The following PCDH15 variants were observed in gnomAD, a reference collection of about 807,000 sequenced individuals.
The protein encoded by PCDH15 is protocadherin related 15.
A neutral mutation model predicts 178.5 loss-of-function variants in PCDH15; 129 were observed. That is an observed-to-expected ratio of 0.72 (90% CI 0.63 to 0.84). The LOEUF is 0.84. Ranked by LOEUF, PCDH15 falls within the 40% of genes least tolerant of loss-of-function variation. The pLI, the probability that PCDH15 is intolerant of heterozygous loss-of-function variation, is 0.00. For missense variants in PCDH15, 2,230 were observed against 2,099.9 expected, an observed-to-expected ratio of 1.06 and a Z score of -1.21; for synonymous variants, 800 against 732.0, an observed-to-expected ratio of 1.09 and a Z score of -1.50.
chr10:54,102,657 C>T lies in PCDH15; in HGVS notation c.1918-12594G>A, dbSNP rs2094833776. Among the ~76,000 whole-genome samples the T allele has an allele frequency of 2.0e-5, 3 of 152,178 alleles. No homozygotes were observed. In the South Asian group the frequency reaches 6.2e-4, roughly 31 times the overall value. On this transcript the variant is annotated intron_variant, in intron 15 of 37. Transcript: ENST00000644397. ...TTACTATTTTTCTAGGTAGAAGAAG[C>T]TCTAATGGCTTCCATTTGGCCTTTC...
intron 7 of PCDH15, among the ~76,000 whole-genome samples, chr10:54,326,183 G>A (rs137949751): frequency 6.6e-6 from 1 of 152,010 alleles, no homozygotes; most frequent in African/African-American, 2.4e-5. Context: ...ACCCACAATT[G>A]GCCCTCAAGC....
intron 2 of PCDH15, among the ~76,000 whole-genome samples, chr10:55,471,952 C>T (rs1027760982): frequency 2.4e-4 from 36 of 152,166 alleles, no homozygotes; most frequent in African/African-American, 7.2e-4. Context: ...AGGTGACTCA[C>T]GGCCAATATG....
At chr10:54,593,926 C>A (rs1273458239) in intron 2 of PCDH15, among the ~76,000 whole-genome samples, 2 of 151,488 alleles carry the variant, frequency 1.3e-5, no homozygotes, top group East Asian at 3.9e-4. Flanking sequence ...ACAGAGGGAC[C>A]ACGACATCAG....
At chr10:54,647,959 T>C (rs767248960) in intron 2 of PCDH15, among the ~76,000 whole-genome samples, 6 of 152,096 alleles carry the variant, frequency 3.9e-5, no homozygotes, top group Admixed American at 2.0e-4. Flanking sequence ...TGGTATCATA[T>C]CATCAAACTG....
intron 8 of PCDH15, among the ~76,000 whole-genome samples, chr10:54,284,702 A>C (rs551994304): frequency 4.6e-5 from 7 of 152,214 alleles, no homozygotes; most frequent in Non-Finnish European, 8.8e-5. Flanking sequence ...AATTGACCAC[A>C]TGAGAAGTTG....
intron 3 of PCDH15, among the ~76,000 whole-genome samples, chr10:54,460,206 G>T (rs2077084912): frequency 6.6e-6 from 1 of 151,952 alleles, no homozygotes; most frequent in Non-Finnish European, 1.5e-5. Flanking sequence ...TTCTTAACTA[G>T]ATTCATTTAT....
intron 3 of PCDH15, among the ~76,000 whole-genome samples, chr10:54,513,241 G>A (rs1589806486): frequency 6.9e-6 from 1 of 145,880 alleles, no homozygotes; most frequent in Non-Finnish European, 1.5e-5. Flanking sequence ...ATTTATTTTT[G>A]TTTATTTATT....
At chr10:54,200,269 C>CT (rs11377394) in intron 10 of PCDH15, among the ~76,000 whole-genome samples, 81,652 of 106,000 alleles carry the variant, frequency 0.77, 32,327 homozygotes, top group East Asian at 0.87. Flanking sequence ...ACAGAGCCCA[C>CT]TTTTTTTTTT....
intron 1 of PCDH15, among the ~76,000 whole-genome samples, chr10:55,187,489 C>T (rs1839830260): frequency 6.6e-6 from 1 of 151,734 alleles, no homozygotes; most frequent in Admixed American, 6.6e-5. Flanking sequence ...GTGTGAAAGC[C>T]ATGTTGAAAA....
At chr10:55,469,405 T>G (rs1839909416) in intron 2 of PCDH15, among the ~76,000 whole-genome samples, 1 of 152,174 alleles carries the variant, frequency 6.6e-6, no homozygotes, top group Non-Finnish European at 1.5e-5. Flanking sequence ...TATGCATATA[T>G]CTGATCTGAG....
chr10:55,460,573 T>G (rs1465536089), intron 2 of PCDH15, among the ~76,000 whole-genome samples: 1 of 152,120 alleles, frequency 6.6e-6, no homozygotes, highest in Non-Finnish European at 1.5e-5. Flanking sequence ...TTGGGCCTTT[T>G]TAAAACATAT....
At chr10:54,607,231 A>G (rs1472963203) in intron 2 of PCDH15, among the ~76,000 whole-genome samples, 1 of 152,114 alleles carries the variant, frequency 6.6e-6, no homozygotes, top group African/African-American at 2.4e-5. Flanking sequence ...CAATAATTAA[A>G]TATATCTGAA....
intron 3 of PCDH15, among the ~76,000 whole-genome samples, chr10:54,505,501 T>C (rs2081090652): frequency 6.6e-6 from 1 of 152,116 alleles, no homozygotes; most frequent in African/African-American, 2.4e-5. Flanking sequence ...CAAATAACTT[T>C]CAACAGTTTT....
chr10:55,479,092 A>T (rs1409633705), intron 2 of PCDH15, among the ~76,000 whole-genome samples: 3 of 151,418 alleles, frequency 2.0e-5, no homozygotes, highest in Admixed American at 1.3e-4. Flanking sequence ...ATTATTCTAA[A>T]ACTATTCAAA....
At chr10:55,128,573 G>T (rs920798932) in intron 2 of PCDH15, among the ~76,000 whole-genome samples, 1 of 151,828 alleles carries the variant, frequency 6.6e-6, no homozygotes, top group Admixed American at 6.6e-5. Flanking sequence ...TCTATCAATT[G>T]TTACCGCACC....
intron 2 of PCDH15, among the ~76,000 whole-genome samples, chr10:55,327,944 A>C (rs1844078151): frequency 6.6e-6 from 1 of 152,040 alleles, no homozygotes; most frequent in South Asian, 2.1e-4. Flanking sequence ...AGGATACAAA[A>C]CATATGATTA....
chr10:55,234,352 A>T (rs1300927330), intron 1 of PCDH15, among the ~76,000 whole-genome samples: 1 of 152,094 alleles, frequency 6.6e-6, no homozygotes, highest in East Asian at 1.9e-4. Flanking sequence ...AAAATTAAAT[A>T]TTCATTTTTA....
At chr10:54,077,007 G>A (rs1001222734) in intron 17 of PCDH15, among the ~76,000 whole-genome samples, 1 of 152,176 alleles carries the variant, frequency 6.6e-6, no homozygotes, top group Admixed American at 6.5e-5. Context: ...GTGCTATTAA[G>A]ACGTGAGAAT....
chr10:55,011,595 C>G (rs546246598), intron 2 of PCDH15, among the ~76,000 whole-genome samples: 3 of 151,870 alleles, frequency 2.0e-5, no homozygotes, highest in Non-Finnish European at 4.4e-5. Flanking sequence ...AAAATGAAAA[C>G]AATTGAAACA....
Sources: gnomAD v4.1 joint callset for allele counts (sites outside exome capture counted in the v4.1 genomes callset) on GRCh38, gnomAD v4.1.1 for gene constraint, MANE v1.5 for transcripts, NCBI Gene and HGNC (gene_info 2026-07-23, HGNC 2026-07-21) for gene names.